TMTC2: variants seen among roughly 807,000 people sequenced by gnomAD.
TMTC2 encodes the protein transmembrane O-mannosyltransferase targeting cadherins 2, also known as protein O-mannosyl-transferase TMTC2.
TMTC2 carries 43 observed loss-of-function variants against 82.4 expected under a neutral mutation model. The observed-to-expected ratio is 0.52, with a 90% confidence interval of 0.41 to 0.67. The LOEUF (loss-of-function observed/expected upper bound fraction) is 0.67, where lower values mean the gene tolerates loss of function less well. TMTC2 is among the 30% of genes least tolerant of loss of function. The pLI, the probability that TMTC2 is intolerant of heterozygous loss-of-function variation, is 0.00. For synonymous variants in TMTC2, 408 were observed against 381.9 expected (o/e 1.07, Z -0.80); for missense variants, 919 against 1,012.4 (o/e 0.91, Z 1.25).
intron 1 of TMTC2, among the ~76,000 whole-genome samples, chr12:82,812,215 G>T (rs1280739390): frequency 6.6e-6 from 1 of 152,012 alleles, no homozygotes; most frequent in Non-Finnish European, 1.5e-5. Context: ...CTTATTAGAA[G>T]TAAAATCAGT....
intron 11 of TMTC2, among the ~76,000 whole-genome samples, chr12:83,086,062 TTC>T (rs2137511572): frequency 7.0e-6 from 1 of 143,250 alleles, no homozygotes; most frequent in African/African-American, 2.8e-5. Flanking sequence ...TCTGATTGTT[TTC>T]TTTTTTTTTT....
intron 10 of TMTC2, among the ~76,000 whole-genome samples, chr12:83,060,631 G>T (rs1279180676): frequency 6.6e-6 from 1 of 151,632 alleles, no homozygotes; most frequent in Non-Finnish European, 1.5e-5. Flanking sequence ...GCATTTTCCT[G>T]TAGCATTTTT....
chr12:82,937,786 A>ACATATATATATATATATATATG (rs1565818416), intron 4 of TMTC2, among the ~76,000 whole-genome samples: 1 of 23,142 alleles, frequency 4.3e-5, no homozygotes, highest in Non-Finnish European at 9.9e-5. Flanking sequence ...ATATATATAT[A>ACATATATATATATATATATATG]TATATATATA....
chr12:82,882,213 A>G (rs982464501), intron 2 of TMTC2, among the ~76,000 whole-genome samples: 4 of 151,152 alleles, frequency 2.6e-5, no homozygotes, highest in Non-Finnish European at 4.4e-5. Flanking sequence ...TTTAGCCGGG[A>G]TGGTCTCGAT....
chr12:83,119,773 C>T (rs527381897), intron 11 of TMTC2, among the ~76,000 whole-genome samples: 1 of 149,272 alleles, frequency 6.7e-6, no homozygotes, highest in Non-Finnish European at 1.5e-5. Context: ...GTGTTACTGT[C>T]TCTCTCATTT....
intron 1 of TMTC2, among the ~76,000 whole-genome samples, chr12:82,818,194 G>A (rs1868864035): frequency 6.6e-6 from 1 of 152,038 alleles, no homozygotes. Context: ...CTATGGAACT[G>A]CTGACTGGCT....
At chr12:83,057,766 T>A (rs541044270) in intron 10 of TMTC2, among the ~76,000 whole-genome samples, 1 of 152,028 alleles carries the variant, frequency 6.6e-6, no homozygotes, top group East Asian at 1.9e-4. Context: ...TACCAAGACT[T>A]TACTGAAATA....
At chr12:83,070,672 A>T (rs1056034586) in intron 11 of TMTC2, among the ~76,000 whole-genome samples, 1 of 152,094 alleles carries the variant, frequency 6.6e-6, no homozygotes, top group African/African-American at 2.4e-5. Context: ...ACCGATTTGG[A>T]TGCCCCTTAT....
At chr12:82,719,799 A>C (rs990208210) in intron 1 of TMTC2, among the ~76,000 whole-genome samples, 5 of 151,488 alleles carry the variant, frequency 3.3e-5, no homozygotes, top group African/African-American at 1.2e-4. Context: ...CAAGTTATGC[A>C]TTCTCGTAGA....
intron 1 of TMTC2, among the ~76,000 whole-genome samples, chr12:82,740,952 C>A (rs895074496): frequency 2.6e-5 from 4 of 152,182 alleles, no homozygotes; most frequent in Non-Finnish European, 5.9e-5. Context: ...CTTGACATGG[C>A]CTTGAGCTTT....
intron 1 of TMTC2, among the ~76,000 whole-genome samples, chr12:82,832,380 TTA>T (rs1869800020): frequency 1.3e-5 from 2 of 151,908 alleles, no homozygotes. Flanking sequence ...CTGTTTTTAA[TTA>T]TGTGTGTAAT....
intron 1 of TMTC2, among the ~76,000 whole-genome samples, chr12:82,808,499 C>A (rs546090566): frequency 6.6e-6 from 1 of 151,948 alleles, no homozygotes; most frequent in Non-Finnish European, 1.5e-5. Flanking sequence ...GCTGTCAGTT[C>A]GTAGATATGG....
chr12:82,987,321 G>A (rs1337828978), intron 8 of TMTC2, among the ~76,000 whole-genome samples: 1 of 151,030 alleles, frequency 6.6e-6, no homozygotes, highest in Non-Finnish European at 1.5e-5. Context: ...CTACTCAGGT[G>A]GCTGAGGCAG....
intron 1 of TMTC2, among the ~76,000 whole-genome samples, chr12:82,765,072 A>G (rs1876874800): frequency 2.0e-5 from 3 of 152,222 alleles, no homozygotes; most frequent in Admixed American, 2.0e-4. Flanking sequence ...CTCACTAGGC[A>G]TTTCCTTGTG....
chr12:82,923,912 T>C (rs1024899316), intron 3 of TMTC2, among the ~76,000 whole-genome samples: 14 of 152,268 alleles, frequency 9.2e-5, no homozygotes, highest in Non-Finnish European at 1.8e-4. Context: ...ATTGACATGA[T>C]ATTAAAAAGT....
intron 1 of TMTC2, among the ~76,000 whole-genome samples, chr12:82,719,085 A>ATATATATATATAATTT (rs1282211374): frequency 4.8e-5 from 2 of 41,406 alleles, no homozygotes; most frequent in African/African-American, 2.3e-4. Flanking sequence ...ATATATATAT[A>ATATATATATATAATTT]TTTTTTTTTT....
chr12:82,724,943 C>T lies in TMTC2; in HGVS notation c.83+37274C>T, dbSNP rs975669669. 3.4e-4 allele frequency among the ~76,000 whole-genome samples: 51 copies of T among 152,080 alleles called. 1 individual carries two copies. The highest frequency in any genetic ancestry group is 3.1e-3 in the Admixed American group (48 of 15,260). On this transcript the variant is annotated intron_variant, in intron 1 of 11. Transcript: ENST00000321196. ...TACATGCAGGCTGTAGGGCATCAGG[C>T]GATCAGGGGATGTGAAGGTAATTGT...
chr12:82,778,677 G>A (rs1473171839), intron 1 of TMTC2, among the ~76,000 whole-genome samples: 3 of 151,530 alleles, frequency 2.0e-5, no homozygotes, highest in South Asian at 4.2e-4. Flanking sequence ...GTGAAACCCC[G>A]TCTCTACTAA....
Position 83,057,903 on chromosome 12 carries a change from C to G in TMTC2, c.2268-3865C>G, listed in dbSNP as rs375776335. Among the ~76,000 whole-genome samples, 387 of 151,802 alleles carry G rather than the reference C, an allele frequency of 2.5e-3. 2 individuals carry two copies. Among genetic ancestry groups the G allele is most frequent in the African/African-American group, 8.9e-3 (369 of 41,454 alleles). On this transcript the variant is annotated intron_variant, in intron 10 of 11. Transcript: ENST00000321196. Reference sequence around the variant, plus strand: ...CCACTAGTTTTTATTATTTATATTTCTAAAGAAGAAATTTTAAATTTAGCA... The same window carrying G: ...CCACTAGTTTTTATTATTTATATTTGTAAAGAAGAAATTTTAAATTTAGCA...
Sources: allele counts gnomAD v4.1 joint callset (sites outside exome capture counted in the v4.1 genomes callset), GRCh38; gene constraint gnomAD v4.1.1; transcripts MANE v1.5; gene names NCBI Gene and HGNC (gene_info 2026-07-23, HGNC 2026-07-21).